VPS13C: variants seen among roughly 807,000 people sequenced by gnomAD.
VPS13C encodes intermembrane lipid transfer protein VPS13C.
A neutral mutation model predicts 456.8 loss-of-function variants in VPS13C; 358 were observed. The observed-to-expected ratio is 0.78, with a 90% CI of 0.72 to 0.86. The LOEUF is 0.86. Ranked by LOEUF, VPS13C falls within the 40% of genes least tolerant of loss-of-function variation. The pLI is 0.00. For missense variants in VPS13C, 4,818 were observed against 4,385.4 expected (o/e 1.10, Z -2.79); for synonymous variants, 1,578 against 1,486.7 (o/e 1.06, Z -1.41).
intron 55 of VPS13C, among the ~76,000 whole-genome samples, 181 bp from the exon 56 acceptor site, chr15:61,920,828 G>GTA (rs1251849865): frequency 6.6e-6 from 1 of 152,016 alleles, no homozygotes; most frequent in Non-Finnish European, 1.5e-5. Context: ...TTCTTTCAGG[G>GTA]TATAGTCCAA....
At chr15:61,970,505 T>C (rs543250298) in intron 27 of VPS13C, among the ~76,000 whole-genome samples, 30 of 152,208 alleles carry the variant, frequency 2.0e-4, no homozygotes, top group African/African-American at 7.2e-4. Flanking sequence ...TAAAAATACT[T>C]AAAGAAGAGG....
chr15:61,947,902 G>A (rs144073398), intron 42 of VPS13C, among the ~76,000 whole-genome samples: 25 of 152,188 alleles, frequency 1.6e-4, no homozygotes, highest in East Asian at 1.2e-3. Context: ...GTATATGCAC[G>A]CAGGTGTATG....
chr15:62,027,818 C>T (rs1189230692), intron 6 of VPS13C, among the ~76,000 whole-genome samples: 1 of 151,898 alleles, frequency 6.6e-6, no homozygotes, highest in African/African-American at 2.4e-5. Flanking sequence ...CTTTAATTTG[C>T]CTTTTGCGAA....
At chr15:61,900,213 T>A (rs1206005543) in intron 66 of VPS13C, among the ~76,000 whole-genome samples, 1 of 152,164 alleles carries the variant, frequency 6.6e-6, no homozygotes, top group African/African-American at 2.4e-5. Context: ...AAGACAGGGA[T>A]GCCCTCTCTC....
intron 48 of VPS13C, chr15:61,935,635 A>G (rs575456483): frequency 2.0e-5 from 3 of 152,222 alleles, no homozygotes; most frequent in Non-Finnish European, 4.4e-5. Context: ...CAGCCTTTTT[A>G]TCTAGCATTT....
In VPS13C at chr15:61,864,774, C is replaced by T. The variant is rs996234658; in HGVS notation, c.10864-1246G>A. On this transcript the variant is annotated intron_variant, in intron 81 of 84. Coordinates refer to ENST00000644861, the MANE Select transcript of VPS13C (RefSeq NM_020821.3). ...AGCAATAGCTACTTGTTTCACAATT[C>T]ACTTGTGCGAATTAGTTAAAATCTT... 8.1e-6 allele frequency: 8 copies of T among 985,238 alleles called. No homozygotes were observed. The Admixed American group carries it at 3.7e-4, about 46-fold the overall frequency. The allele number at this position is 985,238 out of a possible 1,614,324, so 61.0% of individuals were successfully genotyped here. A position where few individuals can be genotyped will look rare whatever the true frequency, so the allele number is the denominator to read the frequency against.
chr15:62,029,009 G>C (rs1018943700), intron 5 of VPS13C, among the ~76,000 whole-genome samples: 1 of 151,858 alleles, frequency 6.6e-6, no homozygotes, highest in Non-Finnish European at 1.5e-5. Flanking sequence ...GTCATTCTTT[G>C]GACTCTTAAA....
chr15:62,019,549 C>T (rs2140558533), intron 9 of VPS13C, among the ~76,000 whole-genome samples: 1 of 152,058 alleles, frequency 6.6e-6, no homozygotes, highest in East Asian at 1.9e-4. Context: ...GTTATGCACC[C>T]AGTAGTCATT....
chr15:61,990,669 G>T (rs572835083), intron 18 of VPS13C, among the ~76,000 whole-genome samples: 4 of 152,180 alleles, frequency 2.6e-5, no homozygotes, highest in Admixed American at 2.0e-4. Flanking sequence ...AAATTAGCCA[G>T]GCAGGGTGGC....
intron 1 of VPS13C, 72 bp from the exon 2 acceptor site, chr15:62,044,327 C>A: frequency 1.1e-6 from 1 of 942,222 alleles, no homozygotes; most frequent in Non-Finnish European, 1.6e-6. Flanking sequence ...AATGTAGTAC[C>A]AAGCACTAAG....
At chr15:62,004,357 G>A (rs1466121944) in intron 15 of VPS13C, among the ~76,000 whole-genome samples, 5 of 151,862 alleles carry the variant, frequency 3.3e-5, no homozygotes, top group Admixed American at 2.0e-4. Flanking sequence ...CTGTGGGATC[G>A]GTGGTGATAT....
At chr15:61,923,230 A>C (rs1432915580) in intron 53 of VPS13C, among the ~76,000 whole-genome samples, 1 of 152,092 alleles carries the variant, frequency 6.6e-6, no homozygotes, top group Non-Finnish European at 1.5e-5. Flanking sequence ...AAGGAAGAAA[A>C]AGATATACAT....
At chr15:62,020,928 G>C (rs561619596) in intron 8 of VPS13C, among the ~76,000 whole-genome samples, 3 of 152,012 alleles carry the variant, frequency 2.0e-5, no homozygotes, top group Admixed American at 2.0e-4. Context: ...ATAACACTTA[G>C]GGTACATAGT....
intron 38 of VPS13C, among the ~76,000 whole-genome samples, chr15:61,953,795 T>A (rs886744746): frequency 3.9e-5 from 6 of 152,082 alleles, no homozygotes; most frequent in African/African-American, 1.4e-4. Context: ...GAAAATCTTT[T>A]ATGACCCTCT....
At position 61,884,240 on chromosome 15, in the gene VPS13C, T is replaced by C; in HGVS notation, c.9371A>G (p.Lys3124Arg). The C allele has an allele frequency of 6.2e-7, 1 of 1,611,376 alleles. No individual in the cohort carries two copies. The change falls in exon 68 of 85, where the codon AAG (lysine) becomes AGG (arginine). Residue 3124 changes from lysine (K) to arginine (R), a missense_variant. Physicochemically the swap from Lys to Arg is conservative, Grantham distance 26. Around this residue, in one of 3 missense-constraint regions of VPS13C, gnomAD observed 4,552 missense variants for 4,130.6 expected, o/e 1.10. Coordinates refer to ENST00000644861, the MANE Select transcript of VPS13C (RefSeq NM_020821.3). Reference sequence around the variant, plus strand: ...TTGACTAAATGGCTTCCATTTCTGCTTTGGTTTCACCTCCCAAACAACACC... The same window carrying C: ...TTGACTAAATGGCTTCCATTTCTGCCTTGGTTTCACCTCCCAAACAACACC... ...SSGVVWEVKP[K>R]QKWKPFSQKQ...
chr15:61,896,701 G>C (rs796389645), intron 66 of VPS13C, among the ~76,000 whole-genome samples: 1 of 152,236 alleles, frequency 6.6e-6, no homozygotes, highest in South Asian at 2.1e-4. Context: ...GCCCAGGCTT[G>C]CTTAGGTAAA....
intron 38 of VPS13C, 40 bp downstream of exon 38, chr15:61,954,381 T>G: frequency 1.3e-6 from 2 of 1,588,146 alleles, no homozygotes; most frequent in Non-Finnish European, 1.7e-6. Context: ...ATCCATTACT[T>G]ATTCACCTCA....
intron 30 of VPS13C, among the ~76,000 whole-genome samples, chr15:61,965,592 T>A (rs1372853417): frequency 6.6e-6 from 1 of 151,930 alleles, no homozygotes; most frequent in African/African-American, 2.4e-5. Flanking sequence ...TTAAAACAGA[T>A]TTCCCCATCT....
At chr15:62,046,610 C>G (rs550250650) in intron 1 of VPS13C, among the ~76,000 whole-genome samples, 9 of 152,196 alleles carry the variant, frequency 5.9e-5, no homozygotes, top group African/African-American at 2.2e-4. Flanking sequence ...GACTGTTCTA[C>G]CTAGTCATTC....
Sources: allele counts gnomAD v4.1 joint callset (sites outside exome capture counted in the v4.1 genomes callset), GRCh38; gene constraint gnomAD v4.1.1; regional missense constraint gnomAD v4.1.1; transcripts MANE v1.5; gene names NCBI Gene and HGNC (gene_info 2026-07-23, HGNC 2026-07-21).